PPP3CC: variants seen among roughly 807,000 people sequenced by gnomAD.
PPP3CC encodes serine/threonine-protein phosphatase 2B catalytic subunit gamma isoform.
PPP3CC carries 35 observed loss-of-function variants against 60.3 expected under a neutral mutation model. The observed-to-expected ratio is 0.58, with a 90% CI of 0.44 to 0.77. The LOEUF (loss-of-function observed/expected upper bound fraction) is 0.77. PPP3CC is among the 30% of genes least tolerant of loss of function. The pLI, the probability that PPP3CC is intolerant of heterozygous loss-of-function variation, is 0.00. For missense variants in PPP3CC, 570 were observed against 628.9 expected (o/e 0.91, Z 1.00); for synonymous variants, 206 against 224.3 (o/e 0.92, Z 0.73).
chr8:22,444,726 C>G (rs567609733), intron 1 of PPP3CC, among the ~76,000 whole-genome samples: 3 of 152,316 alleles, frequency 2.0e-5, no homozygotes, highest in Middle Eastern at 6.8e-3. Flanking sequence ...TTCATTTCTT[C>G]TTTGCTTTAA....
Position 22,483,168 on chromosome 8 carries a change from A to T in PPP3CC, c.372+7544A>T, listed in dbSNP as rs548041201. On this transcript the variant is annotated intron_variant, in intron 3 of 13. Transcript: ENST00000240139. ...CTAAGAGAATGTCAATACTTTAAGA[A>T]AAGCCCTGTTCTACAATAGGAGACC... Among the ~76,000 whole-genome samples the T allele has an allele frequency of 9.4e-4, 143 of 152,358 alleles. 1 individual carries two copies. Among genetic ancestry groups the T allele is most frequent in the African/African-American group, 3.2e-3 (132 of 41,588 alleles).
intron 1 of PPP3CC, among the ~76,000 whole-genome samples, chr8:22,462,791 G>A (rs752678807): frequency 6.6e-6 from 1 of 152,026 alleles, no homozygotes; most frequent in Non-Finnish European, 1.5e-5. Flanking sequence ...GGATGGCCTC[G>A]ATGTTCTTTT....
chr8:22,499,942 C>T (rs1024454755), intron 4 of PPP3CC, among the ~76,000 whole-genome samples: 1 of 152,162 alleles, frequency 6.6e-6, no homozygotes, highest in African/African-American at 2.4e-5. Context: ...AAGCTCCATG[C>T]TAGCAGGGGT....
Position 22,475,544 on chromosome 8 carries a change from T to C in PPP3CC, c.292T>C (p.Phe98Leu), listed in dbSNP as rs757957809. 6.2e-6 allele frequency: 10 copies of C among 1,611,486 alleles called. No individual in the cohort carries two copies. The highest frequency in any genetic ancestry group is 1.3e-5 in the African/African-American group (1 of 74,880). ...HGQFFDLMKL[F>L]EVGGSPSNTR... ...ACAATTCTTTGACCTAATGAAGTTA[T>C]TTGAAGTTGGAGGATCACCTAGTAA... Residue 98 changes from phenylalanine to leucine, a missense_variant, in exon 3 of 14, where the codon TTT becomes CTT. Coordinates refer to ENST00000240139, the MANE Select transcript of PPP3CC (RefSeq NM_005605.5).
intron 1 of PPP3CC, among the ~76,000 whole-genome samples, chr8:22,472,711 T>C (rs1331076072): frequency 6.6e-6 from 1 of 152,162 alleles, no homozygotes; most frequent in African/African-American, 2.4e-5. Context: ...CCTTTCTGTT[T>C]TTGGGGGTCC....
intron 3 of PPP3CC, among the ~76,000 whole-genome samples, chr8:22,481,545 C>CTT (rs869259358): frequency 7.3e-6 from 1 of 136,454 alleles, no homozygotes; most frequent in East Asian, 2.1e-4. Flanking sequence ...GTTTTGTGTT[C>CTT]TTTTTTTTTT....
rs1839944874 is a variant in PPP3CC, at chr8:22,540,891, C to T, written c.*89C>T. 3.2e-6 allele frequency: 4 copies of T among 1,232,716 alleles called. No homozygotes were observed. Among genetic ancestry groups the T allele is most frequent in the Non-Finnish European group, 3.2e-6 (3 of 932,736 alleles). The allele number at this position is 1,232,716 out of a possible 1,614,324, so 76.4% of individuals were successfully genotyped here. On this transcript the variant is annotated 3_prime_UTR_variant, in exon 14 of 14. Coordinates refer to ENST00000240139, the MANE Select transcript of PPP3CC (RefSeq NM_005605.5). ...TTGGAAAATGAAAAGCAACTCAAAA[C>T]AACTTCAACGTGGAGGTGCATTTAT...
Position 22,532,972 on chromosome 8 carries a change from A to T in PPP3CC, c.1275A>T (p.Thr425=). 6.2e-7 allele frequency: 1 copy of T among 1,605,296 alleles called. No individual in the cohort carries two copies. Among genetic ancestry groups the T allele is most frequent in the Non-Finnish European group, 8.5e-7 (1 of 1,175,466 alleles). ...LTLKGLTPTG[T]LPLGVLSGGK... ...TCAAGGGCCTGACTCCCACAGGCAC[A>T]CTCCCTCTGGGCGTCCTCTCAGGAG... The change falls in exon 12 of 14, where the codon ACA becomes ACT. Residue 425 remains threonine, a synonymous_variant. Coordinates refer to ENST00000240139, the MANE Select transcript of PPP3CC (RefSeq NM_005605.5).
intron 12 of PPP3CC, among the ~76,000 whole-genome samples, chr8:22,538,170 T>C (rs558770972): frequency 6.6e-6 from 1 of 152,324 alleles, no homozygotes; most frequent in Non-Finnish European, 1.5e-5. Flanking sequence ...CCAATGTGAA[T>C]AGCAATTCTG....
chr8:22,523,744 A>G (rs1242139854), intron 8 of PPP3CC: 1 of 443,838 alleles, frequency 2.3e-6, no homozygotes, highest in African/African-American at 2.0e-5. Flanking sequence ...CGGAGTCAAG[A>G]CTGATAAATA....
Position 22,511,110 on chromosome 8 carries a change from T to C in PPP3CC, c.509T>C (p.Val170Ala). ...GGTCGAATCAAATATTCGGAACAGG[T>C]GTATGATGCCTGTATGGAGACATTT... The part of the protein sequence containing the change: ...QECRIKYSEQ[V>A]YDACMETFDC... The change falls in exon 5 of 14, where the codon GTG becomes GCG. Residue 170 changes from valine to alanine, a missense_variant. Val to Ala is a moderately conservative substitution (Grantham distance 64). Coordinates refer to ENST00000240139, the MANE Select transcript of PPP3CC (RefSeq NM_005605.5). 1 of 1,614,058 alleles carries C rather than the reference T, an allele frequency of 6.2e-7. No individual in the cohort carries two copies. The highest frequency in any genetic ancestry group is 8.5e-7 in the Non-Finnish European group (1 of 1,179,954).
chr8:22,489,396 A>G (rs1210511787), intron 3 of PPP3CC, among the ~76,000 whole-genome samples: 5 of 151,478 alleles, frequency 3.3e-5, no homozygotes, highest in African/African-American at 1.2e-4. Context: ...CCCTCTCCCC[A>G]GTATACACAT....
intron 4 of PPP3CC, among the ~76,000 whole-genome samples, chr8:22,508,319 TAAAA>T (rs1838985591): frequency 6.6e-6 from 1 of 152,086 alleles, no homozygotes; most frequent in Non-Finnish European, 1.5e-5. Context: ...ATATTCATCA[TAAAA>T]AAGAAAGAAC....
At chr8:22,532,194 T>G (rs1839733641) in intron 10 of PPP3CC, 31 bp from the exon 11 acceptor site, 1 of 1,545,260 alleles carries the variant, frequency 6.5e-7, no homozygotes, top group African/African-American at 1.4e-5. Flanking sequence ...AACACATCCC[T>G]TTAACTTACT....
chr8:22,447,941 T>C (rs1383122633), intron 1 of PPP3CC, among the ~76,000 whole-genome samples: 1 of 152,254 alleles, frequency 6.6e-6, no homozygotes, highest in Non-Finnish European at 1.5e-5. Context: ...TGATCATTAC[T>C]AGATTTACTA....
intron 8 of PPP3CC, 109 bp downstream of exon 8, chr8:22,522,858 A>G (rs1020073403): frequency 3.0e-5 from 25 of 841,486 alleles, no homozygotes; most frequent in Non-Finnish European, 3.6e-6. Context: ...TAAATTTTAA[A>G]TAAGAAAAAA....
intron 1 of PPP3CC, among the ~76,000 whole-genome samples, chr8:22,466,751 T>G (rs1837533265): frequency 6.6e-6 from 1 of 152,116 alleles, no homozygotes; most frequent in Admixed American, 6.6e-5. Context: ...ATTGCAAAAA[T>G]TTTTTCTGTT....
At chr8:22,444,504 T>TGA (rs1836767069) in intron 1 of PPP3CC, among the ~76,000 whole-genome samples, 1 of 152,212 alleles carries the variant, frequency 6.6e-6, no homozygotes, top group Admixed American at 6.5e-5. Flanking sequence ...GTCAGGTGAA[T>TGA]ACCTATTCTA....
At chr8:22,470,059 T>TATAC (rs71546809) in intron 1 of PPP3CC, among the ~76,000 whole-genome samples, 7 of 146,074 alleles carry the variant, frequency 4.8e-5, no homozygotes, top group East Asian at 2.0e-4. Context: ...TATATATATA[T>TATAC]ACACACACAC....
Sources: allele counts gnomAD v4.1 joint callset (sites outside exome capture counted in the v4.1 genomes callset), GRCh38; gene constraint gnomAD v4.1.1; transcripts MANE v1.5; gene names NCBI Gene and HGNC (gene_info 2026-07-23, HGNC 2026-07-21).